SLC51A: variants seen among roughly 807,000 people sequenced by gnomAD.
SLC51A encodes organic solute transporter subunit alpha.
Under a neutral mutation model 34.8 loss-of-function variants are expected in SLC51A, and 22 were observed. The observed-to-expected ratio is 0.63, with a 90% confidence interval of 0.45 to 0.90. The LOEUF is 0.90. Ranked by LOEUF, SLC51A falls within the 40% of genes least tolerant of loss-of-function variation. SLC51A has a pLI of 0.00. For missense variants in SLC51A, 371 were observed against 414.8 expected, an observed-to-expected ratio of 0.89 and a Z score of 0.92; for synonymous variants, 181 against 176.3, an observed-to-expected ratio of 1.03 and a Z score of -0.21.
In SLC51A at chr3:196,216,634, T is replaced by C. The variant is rs1430891809; in HGVS notation, c.-79T>C. On this transcript the variant is annotated 5_prime_UTR_variant, in exon 1 of 9. Coordinates refer to ENST00000296327, the MANE Select transcript of SLC51A (RefSeq NM_152672.6). The surrounding 1 kb of genome is among the most constrained non-coding windows in gnomAD (Gnocchi z 4.5). ...CCACCCCGGCCCAGGCAAGCCACCC[T>C]GCCCCCGGCCCCCACCTGCCCGCCC... 6.4e-6 allele frequency: 6 copies of C among 933,076 alleles called. No homozygotes were observed. Among genetic ancestry groups the C allele is most frequent in the South Asian group, 1.4e-5 (1 of 72,612 alleles). The allele number at this position is 933,076 out of a possible 1,614,324, so 57.8% of individuals were successfully genotyped here.
chr3:196,225,096 C>G (rs1723863582), intron 2 of SLC51A, among the ~76,000 whole-genome samples: 1 of 151,252 alleles, frequency 6.6e-6, no homozygotes, highest in Non-Finnish European at 1.5e-5. Flanking sequence ...TTCACCTCTC[C>G]CGGAGTAGCT....
intron 4 of SLC51A, 158 bp from the exon 5 acceptor site, chr3:196,227,957 T>G: frequency 9.4e-7 from 1 of 1,061,784 alleles, no homozygotes; most frequent in South Asian, 1.5e-5. Flanking sequence ...AAATTCCCCT[T>G]CTCCCAGTCC....
At chr3:196,221,352 C>T (rs1238679128) in intron 2 of SLC51A, among the ~76,000 whole-genome samples, 2 of 151,788 alleles carry the variant, frequency 1.3e-5, no homozygotes, top group Non-Finnish European at 2.9e-5. Flanking sequence ...CACGGCAGCT[C>T]GAGCTCTGGG....
intron 2 of SLC51A, among the ~76,000 whole-genome samples, chr3:196,224,759 AGAGGGGAGGG>A (rs1290050272): frequency 9.9e-5 from 2 of 20,220 alleles, no homozygotes; most frequent in African/African-American, 1.7e-4. Context: ...AGGGAATGGG[AGAGGGGAGGG>A]GAGGGGAGGG....
At chr3:196,233,009 A>G (rs899317042) in intron 8 of SLC51A, 54 bp from the exon 9 acceptor site, 1 of 1,581,490 alleles carries the variant, frequency 6.3e-7, no homozygotes, top group Non-Finnish European at 8.6e-7. Context: ...TGCTAGTAAA[A>G]TACCACCTCT....
intron 2 of SLC51A, among the ~76,000 whole-genome samples, chr3:196,218,835 A>C (rs1047438677): frequency 6.8e-5 from 10 of 146,880 alleles, no homozygotes; most frequent in Admixed American, 4.1e-4. Flanking sequence ...ACTTTTTCCA[A>C]ATAAAACAGT....
intron 8 of SLC51A, 36 bp downstream of exon 8, chr3:196,232,560 G>A: frequency 2.0e-6 from 3 of 1,521,200 alleles, no homozygotes; most frequent in Non-Finnish European, 2.7e-6. Context: ...ATCGTGGGAT[G>A]GATGAGACGG....
intron 2 of SLC51A, among the ~76,000 whole-genome samples, chr3:196,224,798 T>A (rs1272186079): frequency 6.8e-6 from 1 of 146,672 alleles, no homozygotes; most frequent in Non-Finnish European, 1.5e-5. Context: ...GAGAGTTGTC[T>A]GCAAGTGGAG....
intron 2 of SLC51A, 137 bp from the exon 3 acceptor site, chr3:196,226,828 C>T: frequency 8.6e-6 from 5 of 580,956 alleles, no homozygotes; most frequent in African/African-American, 5.8e-5. Flanking sequence ...AGGTTGAATA[C>T]TCTAGGTCTA....
At position 196,227,690 on chromosome 3, in the gene SLC51A, T is replaced by G; in HGVS notation, c.315T>G (p.Gly105=). The change falls in exon 4 of 9, where the codon GGT becomes GGG. Residue 105 remains glycine (G), a synonymous_variant. Coordinates refer to ENST00000296327, the MANE Select transcript of SLC51A (RefSeq NM_152672.6). The stretch of plus-strand genomic sequence containing the variant: ...TGGTGTCTGTGCTGTGCTGCTTTGG[T>G]CTCTGGATCCCTCGTTCCCTGGTGC... The part of the protein sequence containing the change: ...PTVVSVLCCF[G]LWIPRSLVLV... 4 of 1,613,964 alleles carry G rather than the reference T, an allele frequency of 2.5e-6. No individual in the cohort carries two copies. The highest frequency in any genetic ancestry group is 1.1e-5 in the South Asian group (1 of 91,070).
intron 2 of SLC51A, 131 bp from the exon 3 acceptor site, chr3:196,226,834 G>T: frequency 1.4e-6 from 1 of 739,198 alleles, no homozygotes. Context: ...AATACTCTAG[G>T]TCTAAAAAAT....
At position 196,228,757 on chromosome 3, in the gene SLC51A, C is replaced by T. The variant is rs565195464; in HGVS notation, c.522-52C>T. The T allele has an allele frequency of 6.5e-7, 1 of 1,528,606 alleles. No homozygotes were observed. The highest frequency in any genetic ancestry group is 1.4e-5 in the African/African-American group (1 of 73,316). 94.7% of individuals were successfully genotyped at this position (1,528,606 alleles called of 1,614,324 possible). On this transcript the variant is annotated intron_variant, in intron 5 of 8. Coordinates refer to ENST00000296327, the MANE Select transcript of SLC51A (RefSeq NM_152672.6). The surrounding 1 kb of genome is among the most constrained non-coding windows in gnomAD (Gnocchi z 4.9). ...GCCCTGTGAGGAGCCGGGGCGTCTTCCTGGGGCAGGGGGTTTGTGGGCCCA... is the reference window on the plus strand; with the variant it reads ...GCCCTGTGAGGAGCCGGGGCGTCTTTCTGGGGCAGGGGGTTTGTGGGCCCA...
Position 196,216,537 on chromosome 3 carries a change from A to T in SLC51A, c.-176A>T. 1 of 713,212 alleles carries T rather than the reference A, an allele frequency of 1.4e-6. No individual in the cohort carries two copies. The highest frequency in any genetic ancestry group is 2.5e-6 in the Non-Finnish European group (1 of 402,978). The allele number at this position is 713,212 out of a possible 1,614,324, so 44.2% of individuals were successfully genotyped here. A position where few individuals can be genotyped will look rare whatever the true frequency, so the allele number is the denominator to read the frequency against. On this transcript the variant is annotated 5_prime_UTR_variant, in exon 1 of 9. Transcript: ENST00000296327. The surrounding 1 kb of genome is among the most constrained non-coding windows in gnomAD (Gnocchi z 4.5). ...AAATTCCTCCGGGGTGAACTCTGAGATAGAAAGTTGGCCCGGGAAGCTCAA... is the reference window on the plus strand; with the variant it reads ...AAATTCCTCCGGGGTGAACTCTGAGTTAGAAAGTTGGCCCGGGAAGCTCAA...
intron 2 of SLC51A, among the ~76,000 whole-genome samples, chr3:196,226,184 G>A (rs114844186): frequency 0.016 from 2,502 of 152,172 alleles, 59 homozygotes; most frequent in African/African-American, 0.057. Flanking sequence ...CGGCCGTGGT[G>A]GGGGTGCACA....
rs1723946040 is a variant in SLC51A, at chr3:196,228,246, C to G, written c.494C>G (p.Pro165Arg). Residue 165 changes from proline (P) to arginine (R), a missense_variant, in exon 5 of 9, where the codon CCC becomes CGC. Pro to Arg is a moderately radical substitution (Grantham distance 103). Transcript: ENST00000296327. This position sits in a 1 kb window ranked among gnomAD's most constrained non-coding sequence, Gnocchi z 4.9. ...ACAGGCCCCTGCTGCTGCTGCTGCC[C>G]CTGCTGTCCACGGCTGCTGCTCACC... is the stretch of plus-strand genomic sequence containing the variant. ...VHTGPCCCCC[P>R]CCPRLLLTRK... 1.2e-6 allele frequency: 2 copies of G among 1,613,108 alleles called. No homozygotes were observed. Among genetic ancestry groups the G allele is most frequent in the Non-Finnish European group, 1.7e-6 (2 of 1,179,884 alleles).
rs369710481 is a variant in SLC51A, at chr3:196,227,005, C to G, written c.174C>G (p.Thr58=). ...AACTTGCCCTCACTAGCATCCTGACCTTGCTGGCGCTGGGCTCCATTGCCA... is the reference window on the plus strand; with the variant it reads ...AACTTGCCCTCACTAGCATCCTGACGTTGCTGGCGCTGGGCTCCATTGCCA... ...PVELALTSIL[T]LLALGSIAIF... The change falls in exon 3 of 9, where the codon ACC becomes ACG. Residue 58 remains threonine, a synonymous_variant. Coordinates refer to ENST00000296327, the MANE Select transcript of SLC51A (RefSeq NM_152672.6). The G allele has an allele frequency of 5.0e-5, 80 of 1,613,930 alleles. No homozygotes were observed. The highest frequency in any genetic ancestry group is 6.5e-5 in the Non-Finnish European group (77 of 1,180,004).
In SLC51A at chr3:196,226,988, C is replaced by T; in HGVS notation, c.157C>T (p.Leu53Phe). The change falls in exon 3 of 9, where the codon CTC (leucine) becomes TTC (phenylalanine). Residue 53 changes from leucine to phenylalanine, a missense_variant. Coordinates refer to ENST00000296327, the MANE Select transcript of SLC51A (RefSeq NM_152672.6). ...AGCCCTGGGCCCTGTGGAACTTGCC[C>T]TCACTAGCATCCTGACCTTGCTGGC... The part of the protein sequence containing the change: ...LRALGPVELA[L>F]TSILTLLALG... 6.2e-7 allele frequency: 1 copy of T among 1,613,750 alleles called. No homozygotes were observed. The highest frequency in any genetic ancestry group is 1.1e-5 in the South Asian group (1 of 91,054).
intron 2 of SLC51A, among the ~76,000 whole-genome samples, chr3:196,218,976 T>A (rs1021361597): frequency 7.9e-5 from 12 of 152,136 alleles, no homozygotes; most frequent in South Asian, 2.1e-4. Context: ...CTGTAATCCC[T>A]GCACTTTGGG....
rs1323581297 is a variant in SLC51A, at chr3:196,228,394, A to G, written c.521+121A>G. ...CAAAGCCAGTGACGGAAGGGTGGGC[A>G]TCCCACGGCCAGGACCCACGGGCGC... On this transcript the variant is annotated intron_variant, in intron 5 of 8. Transcript: ENST00000296327. The surrounding 1 kb of genome is among the most constrained non-coding windows in gnomAD (Gnocchi z 4.9). The G allele has an allele frequency of 1.0e-5, 14 of 1,341,110 alleles. No homozygotes were observed. The East Asian group carries it at 2.8e-4, about 27-fold the overall frequency. The allele number at this position is 1,341,110 out of a possible 1,614,324, so 83.1% of individuals were successfully genotyped here.
Sources: gnomAD v4.1 joint callset for allele counts (sites outside exome capture counted in the v4.1 genomes callset) on GRCh38, gnomAD v4.1.1 for gene constraint, Gnocchi (gnomAD v3.1) non-coding constraint, MANE v1.5 for transcripts, NCBI Gene and HGNC (gene_info 2026-07-23, HGNC 2026-07-21) for gene names.